The following TBC1D12 variants were observed in gnomAD, a reference collection of about 807,000 sequenced individuals.
TBC1D12 encodes the protein TBC1 domain family member 12, also known as TBC1 domain family, member 12.
Under a neutral mutation model 86.7 loss-of-function variants are expected in TBC1D12, and 56 were observed. The ratio of observed to expected loss-of-function variants is 0.65; its 90% confidence interval spans 0.52 to 0.81. The LOEUF (loss-of-function observed/expected upper bound fraction) is 0.81. TBC1D12 is among the 30% of genes least tolerant of loss of function. The pLI is 0.00. For missense variants in TBC1D12, 1,023 were observed against 1,038.8 expected (o/e 0.98, Z 0.21); for synonymous variants, 421 against 411.7 (o/e 1.02, Z -0.27).
At chr10:94,472,642 CAT>C (rs1029440012) in intron 2 of TBC1D12, among the ~76,000 whole-genome samples, 1 of 152,068 alleles carries the variant, frequency 6.6e-6, no homozygotes, top group African/African-American at 2.4e-5. Context: ...GTAAGAAAAA[CAT>C]GAGCAGAAAA....
intron 6 of TBC1D12, among the ~76,000 whole-genome samples, chr10:94,503,877 G>A (rs2056429453): frequency 6.6e-6 from 1 of 152,156 alleles, no homozygotes; most frequent in African/African-American, 2.4e-5. Flanking sequence ...GGCCCACCTC[G>A]GCCTCCCAAA....
chr10:94,427,833 CA>C (rs71031576), intron 1 of TBC1D12, among the ~76,000 whole-genome samples: 10,427 of 66,370 alleles, frequency 0.16, 77 homozygotes, highest in Middle Eastern at 0.28. Flanking sequence ...CCCTGTCTCA[CA>C]AAAAAAAAAA....
At chr10:94,432,606 T>C (rs1302502418) in intron 1 of TBC1D12, among the ~76,000 whole-genome samples, 1 of 152,190 alleles carries the variant, frequency 6.6e-6, no homozygotes, top group Non-Finnish European at 1.5e-5. Flanking sequence ...TGTGGGCTCA[T>C]ATTTCTTTTA....
intron 2 of TBC1D12, among the ~76,000 whole-genome samples, chr10:94,460,428 A>G (rs541863548): frequency 1.3e-5 from 2 of 152,146 alleles, no homozygotes; most frequent in East Asian, 3.9e-4. Context: ...GGCACTTTAA[A>G]TATTTCACTC....
intron 2 of TBC1D12, among the ~76,000 whole-genome samples, chr10:94,452,009 T>C (rs185741586): frequency 9.7e-4 from 148 of 151,930 alleles, no homozygotes; most frequent in Non-Finnish European, 1.8e-3. Context: ...TCACAGTTAT[T>C]ATTCACCTTG....
chr10:94,403,221 G>A lies in TBC1D12; in HGVS notation c.608G>A (p.Cys203Tyr). The change falls in exon 1 of 13, where the codon TGC (cysteine) becomes TAC (tyrosine). Residue 203 changes from cysteine (C) to tyrosine (Y), a missense_variant. Physicochemically the swap from Cys to Tyr is radical, Grantham distance 194. This residue lies in a region of TBC1D12 where 628 missense variants were observed against 531.1 expected (regional missense o/e 1.18). Transcript: ENST00000225235. ...CTTGAGGACCCGCTGCGGAGCTGCTGCCTGGTGGCCGCGGACGCCCAGGAG... is the reference window on the plus strand; with the variant it reads ...CTTGAGGACCCGCTGCGGAGCTGCTACCTGGTGGCCGCGGACGCCCAGGAG... The part of the protein sequence containing the change: ...SPLEDPLRSC[C>Y]LVAADAQEPE... 6.6e-7 allele frequency: 1 copy of A among 1,506,586 alleles called. No homozygotes were observed. 93.3% of individuals were successfully genotyped at this position (1,506,586 alleles called of 1,614,324 possible).
intron 2 of TBC1D12, among the ~76,000 whole-genome samples, chr10:94,452,102 T>G (rs56182539): frequency 0.027 from 3,984 of 150,132 alleles, 182 homozygotes; most frequent in African/African-American, 0.084. Context: ...GTATTTAAAT[T>G]CATATATATT....
At chr10:94,479,506 A>G (rs2134154162) in intron 3 of TBC1D12, among the ~76,000 whole-genome samples, 1 of 152,296 alleles carries the variant, frequency 6.6e-6, no homozygotes, top group Non-Finnish European at 1.5e-5. Flanking sequence ...TTTTGCAGAA[A>G]TCCAGAGAGG....
At chr10:94,465,655 A>ATATATAT (rs1554941179) in intron 2 of TBC1D12, among the ~76,000 whole-genome samples, 3 of 106,688 alleles carry the variant, frequency 2.8e-5, no homozygotes, top group East Asian at 8.4e-4. Flanking sequence ...TAAAAAAAAA[A>ATATATAT]ATATATATAT....
At position 94,516,432 on chromosome 10, in the gene TBC1D12, AATT is replaced by A. The variant is rs1384431589; in HGVS notation, c.1761+4781_1761+4783del. On this transcript the variant is annotated intron_variant, in intron 9 of 12. Transcript: ENST00000225235. ...AATCAACTTTTTTTGTTTTTTTTAA[AATT>A]ATACTAAGTTCTAGGGTACATGTGC... is the stretch of plus-strand genomic sequence containing the variant. Among the ~76,000 whole-genome samples, 3 of 152,024 alleles carry A rather than the reference AATT, an allele frequency of 2.0e-5. No homozygotes were observed. In the East Asian group the frequency reaches 5.8e-4, roughly 29 times the overall value.
At chr10:94,444,881 G>A (rs966028961) in intron 2 of TBC1D12, among the ~76,000 whole-genome samples, 27 of 150,954 alleles carry the variant, frequency 1.8e-4, no homozygotes, top group African/African-American at 6.1e-4. Flanking sequence ...ACAGGCGCCC[G>A]CCGCCACGCC....
intron 1 of TBC1D12, among the ~76,000 whole-genome samples, chr10:94,438,867 G>A (rs988806653): frequency 2.6e-5 from 4 of 151,606 alleles, no homozygotes; most frequent in African/African-American, 7.3e-5. Context: ...ACAGTGGTGC[G>A]ATCTCAGCTC....
At chr10:94,416,982 G>C (rs965244282) in intron 1 of TBC1D12, among the ~76,000 whole-genome samples, 2 of 152,150 alleles carry the variant, frequency 1.3e-5, no homozygotes, top group African/African-American at 4.8e-5. Context: ...GAGGCAAAAA[G>C]GTTGGGTCTA....
At chr10:94,477,828 A>G (rs2056014840) in intron 3 of TBC1D12, among the ~76,000 whole-genome samples, 1 of 152,150 alleles carries the variant, frequency 6.6e-6, no homozygotes, top group Admixed American at 6.6e-5. Context: ...GCACAGCAGG[A>G]GGTGAGCAGT....
chr10:94,428,076 C>T (rs183905778), intron 1 of TBC1D12, among the ~76,000 whole-genome samples: 3 of 152,006 alleles, frequency 2.0e-5, no homozygotes, highest in African/African-American at 7.2e-5. Flanking sequence ...GCTCTTACAT[C>T]TTGATTGTTG....
rs112823223 is a variant in TBC1D12 at position 94,447,774 on chromosome 10, TA to T, written c.1095+5758del. ...TTGTTTTTTTTTCTAAATTAGTAGG[TA>T]AAGTTGGAATAGCTACATGGTTTGT... On this transcript the variant is annotated intron_variant, in intron 2 of 12. Transcript: ENST00000225235. 1.3e-3 allele frequency: 882 copies of T among 675,588 alleles called. 5 individuals carry two copies. In the African/African-American group the frequency reaches 0.016, roughly 13 times the overall value. The allele number at this position is 675,588 out of a possible 1,614,324, so 41.8% of individuals were successfully genotyped here.
At chr10:94,513,339 T>A (rs971947353) in intron 9 of TBC1D12, among the ~76,000 whole-genome samples, 1 of 152,048 alleles carries the variant, frequency 6.6e-6, no homozygotes, top group African/African-American at 2.4e-5. Flanking sequence ...GAAGATCGCT[T>A]GAGCCCAGGA....
At chr10:94,498,968 A>G (rs2056359483) in intron 5 of TBC1D12, among the ~76,000 whole-genome samples, 1 of 151,872 alleles carries the variant, frequency 6.6e-6, no homozygotes, top group Admixed American at 6.6e-5. Context: ...ATGGGGTCTC[A>G]CTGTGTTGCC....
chr10:94,458,798 C>T (rs984678023), intron 2 of TBC1D12, among the ~76,000 whole-genome samples: 1 of 152,074 alleles, frequency 6.6e-6, no homozygotes, highest in Non-Finnish European at 1.5e-5. Flanking sequence ...TTGTTCGTAC[C>T]TTCCATCTGG....
Sources: gnomAD v4.1 joint callset for allele counts (sites outside exome capture counted in the v4.1 genomes callset) on GRCh38, gnomAD v4.1.1 for gene constraint, gnomAD v4.1.1 regional missense constraint, MANE v1.5 for transcripts, NCBI Gene and HGNC (gene_info 2026-07-23, HGNC 2026-07-21) for gene names.